The following GPR141 variants were observed in gnomAD, a reference collection of about 807,000 sequenced individuals.
The protein encoded by GPR141 is G protein-coupled receptor 141, also known as probable G protein-coupled receptor 141.
Under a neutral mutation model 6.8 loss-of-function variants are expected in GPR141, and 6 were observed. The observed-to-expected ratio is 0.88, with a 90% CI of 0.48 to 1.74. The LOEUF (loss-of-function observed/expected upper bound fraction) is 1.74. GPR141 is among the 40% of genes most tolerant of loss of function. The pLI is 0.01. For missense variants in GPR141, 372 were observed against 372.9 expected (o/e 1.00, Z 0.02); for synonymous variants, 140 against 142.3 (o/e 0.98, Z 0.11).
chr7:37,700,431 C>T, intron 2 of GPR141, among the ~76,000 whole-genome samples: 1 of 152,118 alleles, frequency 6.6e-6, no homozygotes, highest in Admixed American at 6.5e-5. Flanking sequence ...AGATTATCTA[C>T]CGCCACCATG....
chr7:37,702,802 A>C (rs1810345125), intron 2 of GPR141, among the ~76,000 whole-genome samples: 1 of 24,844 alleles, frequency 4.0e-5, no homozygotes, highest in Non-Finnish European at 6.7e-5. Flanking sequence ...AACCCAGTTC[A>C]ATTCAAAAAA....
At chr7:37,715,464 CA>C (rs1322288269) in intron 2 of GPR141, among the ~76,000 whole-genome samples, 1 of 151,832 alleles carries the variant, frequency 6.6e-6, no homozygotes, top group Admixed American at 6.6e-5. Context: ...TAAAAAAAAC[CA>C]AACCTTTAGA....
chr7:37,729,617 T>A (rs2709101), intron 2 of GPR141, among the ~76,000 whole-genome samples: 126,771 of 152,188 alleles, frequency 0.83, 52,791 homozygotes, highest in Admixed American at 0.88. Context: ...ACAACAAAGG[T>A]AGGACTGAAA....
intron 2 of GPR141, among the ~76,000 whole-genome samples, chr7:37,722,980 T>TTCCC (rs975337045): frequency 7.0e-6 from 1 of 143,434 alleles, no homozygotes; most frequent in African/African-American, 2.6e-5. Flanking sequence ...CCTTCCTTCC[T>TTCCC]TCTTTCTTTC....
At chr7:37,731,477 T>C (rs1811930478) in intron 2 of GPR141, among the ~76,000 whole-genome samples, 1 of 152,258 alleles carries the variant, frequency 6.6e-6, no homozygotes, top group Admixed American at 6.5e-5. Flanking sequence ...AAAGGAATAC[T>C]CTGTCGCCCA....
chr7:37,710,349 G>C (rs989373234), intron 2 of GPR141, among the ~76,000 whole-genome samples: 1 of 152,054 alleles, frequency 6.6e-6, no homozygotes, highest in Non-Finnish European at 1.5e-5. Flanking sequence ...CTCCATGCAA[G>C]GCTGCCCTGA....
intron 2 of GPR141, among the ~76,000 whole-genome samples, chr7:37,729,029 G>A (rs11768275): frequency 0.036 from 5,506 of 152,258 alleles, 142 homozygotes; most frequent in Non-Finnish European, 0.056. Context: ...AAGCAAGCTG[G>A]AGGTATGAAA....
intron 2 of GPR141, among the ~76,000 whole-genome samples, chr7:37,724,406 C>G (rs2131825925): frequency 6.6e-6 from 1 of 152,138 alleles, no homozygotes; most frequent in South Asian, 2.1e-4. Flanking sequence ...CGAATATGAA[C>G]AAAGCAGGGG....
chr7:37,721,536 C>A (rs940742758), intron 2 of GPR141, among the ~76,000 whole-genome samples: 1 of 152,180 alleles, frequency 6.6e-6, no homozygotes, highest in East Asian at 1.9e-4. Flanking sequence ...AACGGCTTTC[C>A]CTTTGGTGGT....
intron 2 of GPR141, among the ~76,000 whole-genome samples, chr7:37,714,375 A>C (rs761357997): frequency 3.3e-5 from 5 of 152,200 alleles, no homozygotes; most frequent in Admixed American, 6.5e-5. Context: ...CTAAAGAACT[A>C]TATTTCTTTA....
intron 2 of GPR141, among the ~76,000 whole-genome samples, chr7:37,712,550 C>A (rs1024277506): frequency 2.6e-5 from 4 of 152,148 alleles, no homozygotes; most frequent in Non-Finnish European, 4.4e-5. Flanking sequence ...GGTAATACCT[C>A]AGGTCAAGAA....
At chr7:37,693,436 T>C (rs1338941309) in intron 2 of GPR141, among the ~76,000 whole-genome samples, 1 of 152,222 alleles carries the variant, frequency 6.6e-6, no homozygotes, top group Admixed American at 6.5e-5. Flanking sequence ...TCAGGTAGCA[T>C]GATGCCTCCA....
At chr7:37,725,629 T>A (rs1811590990) in intron 2 of GPR141, among the ~76,000 whole-genome samples, 1 of 152,210 alleles carries the variant, frequency 6.6e-6, no homozygotes, top group Non-Finnish European at 1.5e-5. Flanking sequence ...GAAATATAAT[T>A]CACCAACTAT....
At chr7:37,695,291 T>C (rs1809963935) in intron 2 of GPR141, among the ~76,000 whole-genome samples, 1 of 152,072 alleles carries the variant, frequency 6.6e-6, no homozygotes, top group Non-Finnish European at 1.5e-5. Context: ...CAAGACACAC[T>C]CCAACATAGT....
chr7:37,704,715 A>G (rs985392013), intron 2 of GPR141, among the ~76,000 whole-genome samples: 1 of 152,122 alleles, frequency 6.6e-6, no homozygotes, highest in African/African-American at 2.4e-5. Flanking sequence ...TGCTGTGTAT[A>G]TGGGTCTGTT....
chr7:37,703,505 C>T (rs1311038825), intron 2 of GPR141, among the ~76,000 whole-genome samples: 1 of 152,156 alleles, frequency 6.6e-6, no homozygotes, highest in East Asian at 1.9e-4. Context: ...AATTTAACCT[C>T]CATGTGACTT....
At chr7:37,695,607 G>A (rs1315069599) in intron 2 of GPR141, among the ~76,000 whole-genome samples, 2 of 152,166 alleles carry the variant, frequency 1.3e-5, no homozygotes, top group East Asian at 3.9e-4. Context: ...CTCTATGTGG[G>A]TATCCTAAGT....
intron 2 of GPR141, among the ~76,000 whole-genome samples, chr7:37,709,238 C>T (rs1159697152): frequency 6.6e-6 from 1 of 152,166 alleles, no homozygotes; most frequent in African/African-American, 2.4e-5. Flanking sequence ...ATATTTGGTA[C>T]AGTTACTTCC....
At chr7:37,701,669 A>T (rs1264013621) in intron 2 of GPR141, among the ~76,000 whole-genome samples, 1 of 152,190 alleles carries the variant, frequency 6.6e-6, no homozygotes, top group Middle Eastern at 3.2e-3. Context: ...CAAATCCTTA[A>T]GGCTCTGAGT....
Sources: allele counts gnomAD v4.1 joint callset (sites outside exome capture counted in the v4.1 genomes callset), GRCh38; gene constraint gnomAD v4.1.1; transcripts MANE v1.5; gene names NCBI Gene and HGNC (gene_info 2026-07-23, HGNC 2026-07-21).